Variants in NCK2 observed in about 807,000 individuals in gnomAD.
NCK2 encodes the protein cytoplasmic protein NCK2.
A neutral mutation model predicts 33.9 loss-of-function variants in NCK2; 16 were observed. The observed-to-expected ratio is 0.47, with a 90% CI of 0.32 to 0.72. The LOEUF (loss-of-function observed/expected upper bound fraction) is 0.72. Among genes scored for constraint, NCK2 ranks in the 30% least tolerant of loss-of-function variants. NCK2 has a pLI of 0.03. For synonymous variants in NCK2, 273 were observed against 239.9 expected (o/e 1.14, Z -1.27); for missense variants, 418 against 537.3 (o/e 0.78, Z 2.19).
intron 1 of NCK2, among the ~76,000 whole-genome samples, chr2:105,802,263 A>G (rs924303661): frequency 2.0e-5 from 3 of 152,140 alleles, no homozygotes; most frequent in East Asian, 3.9e-4. Flanking sequence ...CACTTGCTCA[A>G]ATGTGGTGTG....
chr2:105,843,096 C>A (rs1249148693), intron 2 of NCK2, among the ~76,000 whole-genome samples: 2 of 152,034 alleles, frequency 1.3e-5, no homozygotes, highest in Admixed American at 1.3e-4. Context: ...AGTGTTAGGG[C>A]ATTCAGAATT....
At chr2:105,783,891 A>G (rs1013356877) in intron 1 of NCK2, among the ~76,000 whole-genome samples, 1 of 152,122 alleles carries the variant, frequency 6.6e-6, no homozygotes, top group Non-Finnish European at 1.5e-5. Flanking sequence ...CCTTGTAGCA[A>G]TCTGAAATGT....
intron 1 of NCK2, among the ~76,000 whole-genome samples, chr2:105,796,120 C>T (rs948405298): frequency 6.6e-6 from 1 of 152,214 alleles, no homozygotes; most frequent in Non-Finnish European, 1.5e-5. Flanking sequence ...TTATTAGGTG[C>T]ATGCACATGG....
Position 105,767,564 on chromosome 2 carries a change from C to T in NCK2, c.-201+22426C>T, listed in dbSNP as rs561272067. Among the ~76,000 whole-genome samples the T allele has an allele frequency of 2.0e-5, 3 of 152,282 alleles. No homozygotes were observed. In the South Asian group the frequency reaches 6.2e-4, roughly 32 times the overall value. ...AGTTTTATTAGAACCCAGCTGGGCT[C>T]ATTCATTTCCACAGCATCTGTGGCT... On this transcript the variant is annotated intron_variant, in intron 1 of 4. Coordinates refer to ENST00000233154, the MANE Select transcript of NCK2 (RefSeq NM_003581.5).
At chr2:105,806,470 C>T (rs1221168398) in intron 1 of NCK2, among the ~76,000 whole-genome samples, 1 of 152,150 alleles carries the variant, frequency 6.6e-6, no homozygotes, top group Non-Finnish European at 1.5e-5. Flanking sequence ...ATCTCTTGAC[C>T]TCGTGATCCA....
chr2:105,809,367 A>G (rs553597947), intron 1 of NCK2, among the ~76,000 whole-genome samples: 1 of 152,314 alleles, frequency 6.6e-6, no homozygotes, highest in South Asian at 2.1e-4. Flanking sequence ...ATGCCCTCAC[A>G]GTTCTGAAGG....
intron 1 of NCK2, among the ~76,000 whole-genome samples, chr2:105,768,550 A>G (rs565816898): frequency 1.9e-4 from 29 of 152,358 alleles, no homozygotes; most frequent in African/African-American, 7.0e-4. Flanking sequence ...CAGAACTCAG[A>G]AAGGCACTTT....
rs1678908147 is a variant in NCK2, at chr2:105,890,027, G to GT, written c.949-2954dup. Among the ~76,000 whole-genome samples, 7 of 152,310 alleles carry GT rather than the reference G, an allele frequency of 4.6e-5. No homozygotes were observed. The South Asian group carries it at 1.5e-3, about 32-fold the overall frequency. On this transcript the variant is annotated intron_variant, in intron 4 of 4. Coordinates refer to ENST00000233154, the MANE Select transcript of NCK2 (RefSeq NM_003581.5). ...TGGTCATATGTAACGGTGTATGTTA[G>GT]TATACAGATTGTTCTTTTTCAGATT...
chr2:105,832,949 A>G (rs1418013150), intron 2 of NCK2, among the ~76,000 whole-genome samples: 3 of 148,876 alleles, frequency 2.0e-5, no homozygotes, highest in Non-Finnish European at 4.4e-5. Context: ...ATAAGTTTGG[A>G]AAAATTCAGC....
chr2:105,872,285 G>T (rs748561841), intron 3 of NCK2, among the ~76,000 whole-genome samples: 5 of 152,114 alleles, frequency 3.3e-5, no homozygotes, highest in African/African-American at 1.2e-4. Context: ...CCTTCCCCCC[G>T]CCACCAGGCC....
chr2:105,842,998 G>A lies in NCK2; in HGVS notation c.-16-12050G>A, dbSNP rs1019367970. ...CACAGTTTTATTATTTTCTTCAACA[G>A]CATGTGGCCCAGGAGTGGGCTAGAG... On this transcript the variant is annotated intron_variant, in intron 2 of 4. Coordinates refer to ENST00000233154, the MANE Select transcript of NCK2 (RefSeq NM_003581.5). 3.3e-5 allele frequency among the ~76,000 whole-genome samples: 5 copies of A among 152,174 alleles called. No homozygotes were observed. The South Asian group carries it at 6.2e-4, about 19-fold the overall frequency.
chr2:105,793,726 G>A (rs1035043150), intron 1 of NCK2, among the ~76,000 whole-genome samples: 3 of 152,210 alleles, frequency 2.0e-5, no homozygotes, highest in African/African-American at 7.2e-5. Flanking sequence ...CTTGGCCAGC[G>A]AAAGCTGCCT....
intron 1 of NCK2, among the ~76,000 whole-genome samples, chr2:105,799,601 A>G (rs1227002466): frequency 6.6e-6 from 1 of 152,174 alleles, no homozygotes; most frequent in African/African-American, 2.4e-5. Context: ...CTGATGAGTT[A>G]TTTGAAAACT....
intron 3 of NCK2, among the ~76,000 whole-genome samples, chr2:105,860,329 A>G (rs1677468083): frequency 6.6e-6 from 1 of 152,148 alleles, no homozygotes; most frequent in Non-Finnish European, 1.5e-5. Context: ...TCAGAACAAC[A>G]AAATGTCAGA....
At chr2:105,890,082 A>C (rs924200077) in intron 4 of NCK2, among the ~76,000 whole-genome samples, 4 of 152,278 alleles carry the variant, frequency 2.6e-5, no homozygotes, top group East Asian at 1.9e-4. Context: ...AGTTTAAATT[A>C]AAGAACACTC....
chr2:105,771,446 A>G, intron 1 of NCK2, among the ~76,000 whole-genome samples: 1 of 151,882 alleles, frequency 6.6e-6, no homozygotes, highest in African/African-American at 2.4e-5. Context: ...GGCGCCTGTA[A>G]TCCCAGCTAC....
chr2:105,832,885 G>A (rs558211725), intron 2 of NCK2, among the ~76,000 whole-genome samples: 34 of 146,626 alleles, frequency 2.3e-4, no homozygotes, highest in East Asian at 1.2e-3. Flanking sequence ...TTTTTGTTTC[G>A]TTTTGTTTTG....
rs192045003 is a variant in NCK2, at chr2:105,789,250, C to T, written c.-200-27180C>T. 3.9e-4 allele frequency among the ~76,000 whole-genome samples: 59 copies of T among 152,250 alleles called. No individual in the cohort carries two copies. The East Asian group carries it at 0.01, about 26-fold the overall frequency. On this transcript the variant is annotated intron_variant, in intron 1 of 4. Transcript: ENST00000233154. ...TTGACCAGGCTGGAGTGTAGTGGCGCGATCTTGGCTTACTGCAAACTCTGC... is the reference window on the plus strand; with the variant it reads ...TTGACCAGGCTGGAGTGTAGTGGCGTGATCTTGGCTTACTGCAAACTCTGC...
intron 1 of NCK2, among the ~76,000 whole-genome samples, chr2:105,789,474 C>T (rs1484480969): frequency 6.6e-6 from 1 of 152,200 alleles, no homozygotes; most frequent in Non-Finnish European, 1.5e-5. Flanking sequence ...CAGGCATGAG[C>T]CACCTTGCCT....
Sources: allele counts gnomAD v4.1 joint callset (sites outside exome capture counted in the v4.1 genomes callset), GRCh38; gene constraint gnomAD v4.1.1; transcripts MANE v1.5; gene names NCBI Gene and HGNC (gene_info 2026-07-23, HGNC 2026-07-21).